The following IFT81 variants were observed in gnomAD, a reference collection of about 807,000 sequenced individuals.
IFT81 encodes intraflagellar transport 81, also known as intraflagellar transport protein 81 homolog.
Under a neutral mutation model 102.6 loss-of-function variants are expected in IFT81, and 72 were observed. That is an observed-to-expected ratio of 0.70 (90% CI 0.58 to 0.85). IFT81 has a LOEUF of 0.85. IFT81 is among the 40% of genes least tolerant of loss of function. The pLI is 0.00. For missense variants in IFT81, 723 were observed against 787.3 expected (o/e 0.92, Z 0.98); for synonymous variants, 237 against 242.7 (o/e 0.98, Z 0.22).
At chr12:110,132,472 AAAAGAAAG>A (rs1049029109) in intron 4 of IFT81, 67 bp from the exon 5 acceptor site, 24 of 666,596 alleles carry the variant, frequency 3.6e-5, no homozygotes, top group Non-Finnish European at 5.7e-5. Flanking sequence ...AAAAAAAAAA[AAAAGAAAG>A]AAAGAAAGAA....
chr12:110,183,638 C>T (rs73415320), intron 12 of IFT81, among the ~76,000 whole-genome samples: 3,170 of 152,268 alleles, frequency 0.021, 112 homozygotes, highest in African/African-American at 0.072. Flanking sequence ...GGACATTTTC[C>T]GGTTTCCATG....
intron 7 of IFT81, among the ~76,000 whole-genome samples, chr12:110,136,331 G>T (rs1894508094): frequency 6.6e-6 from 1 of 152,182 alleles, no homozygotes; most frequent in South Asian, 2.1e-4. Context: ...TTAAATGTTT[G>T]ATTTTGCTGG....
chr12:110,160,773 G>A (rs969651801), intron 10 of IFT81, among the ~76,000 whole-genome samples: 1 of 152,136 alleles, frequency 6.6e-6, no homozygotes, highest in Non-Finnish European at 1.5e-5. Context: ...TCTTCCGACT[G>A]ATTTTGTCTA....
intron 10 of IFT81, among the ~76,000 whole-genome samples, chr12:110,155,155 A>C (rs1355932475): frequency 6.6e-6 from 1 of 152,178 alleles, no homozygotes; most frequent in Non-Finnish European, 1.5e-5. Context: ...TTGAAAATTT[A>C]AAGTTATTTC....
At position 110,216,700 on chromosome 12, in the gene IFT81, A is replaced by G. The variant is rs1353466630; in HGVS notation, c.1849-1344A>G. The G allele has an allele frequency of 9.4e-6, 4 of 426,892 alleles. No homozygotes were observed. In the Admixed American group the frequency reaches 1.1e-4, roughly 11 times the overall value. The allele number at this position is 426,892 out of a possible 1,614,324, so 26.4% of individuals were successfully genotyped here. ...TAATTTTTGTATTTCATATTTTTGT[A>G]TTTTTAGTACAGATGGGATTTCACC... is the stretch of plus-strand genomic sequence containing the variant. On this transcript the variant is annotated intron_variant, in intron 18 of 18. Coordinates refer to ENST00000242591, the MANE Select transcript of IFT81 (RefSeq NM_014055.4).
chr12:110,218,102 C>A lies in IFT81; in HGVS notation c.1907C>A (p.Ala636Glu). The A allele has an allele frequency of 3.1e-6, 5 of 1,601,018 alleles. No homozygotes were observed. The highest frequency in any genetic ancestry group is 1.4e-5 in the African/African-American group (1 of 73,780). Residue 636 changes from alanine (A) to glutamate (E), a missense_variant, in exon 19 of 19, where the codon GCA (alanine) becomes GAA (glutamate). Transcript: ENST00000242591. ...RESHGPNMKQ[A>E]KMWRDLEQLM... Reference sequence around the variant, plus strand: ...AGTCATGGTCCAAATATGAAACAAGCAAAAATGTGGCGTGATTTGGAACAA... The same window carrying A: ...AGTCATGGTCCAAATATGAAACAAGAAAAAATGTGGCGTGATTTGGAACAA...
At chr12:110,149,939 G>A (rs1057445524) in intron 10 of IFT81, among the ~76,000 whole-genome samples, 6 of 152,128 alleles carry the variant, frequency 3.9e-5, no homozygotes, top group Non-Finnish European at 4.4e-5. Flanking sequence ...GGGCATGAAG[G>A]CAGGAGTGCC....
chr12:110,184,070 G>T (rs1349685172), intron 12 of IFT81, among the ~76,000 whole-genome samples: 2 of 152,152 alleles, frequency 1.3e-5, no homozygotes, highest in African/African-American at 4.8e-5. Context: ...TACAAATTAG[G>T]CTAGGCATGG....
chr12:110,216,559 C>A (rs1327940906), intron 18 of IFT81: 1 of 453,480 alleles, frequency 2.2e-6, no homozygotes, highest in Non-Finnish European at 4.4e-6. Flanking sequence ...ACTCTGTTGC[C>A]CAGGCTGGAG....
intron 11 of IFT81, among the ~76,000 whole-genome samples, chr12:110,179,773 T>TATACATACACAC (rs774113734): frequency 2.0e-5 from 1 of 50,492 alleles, no homozygotes; most frequent in Non-Finnish European, 4.1e-5. Context: ...TATATATATA[T>TATACATACACAC]ACACACACAC....
intron 11 of IFT81, among the ~76,000 whole-genome samples, chr12:110,172,728 G>A (rs1485695207): frequency 6.6e-6 from 1 of 152,126 alleles, no homozygotes; most frequent in African/African-American, 2.4e-5. Context: ...GCGTGATCTC[G>A]TGTCGCTACA....
At chr12:110,214,271 C>CTT (rs1304783946) in intron 18 of IFT81, among the ~76,000 whole-genome samples, 2 of 144,700 alleles carry the variant, frequency 1.4e-5, no homozygotes. Context: ...TCAAAATTGA[C>CTT]TTTTTTTTTT....
At chr12:110,216,949 TG>T (rs1870219006) in intron 18 of IFT81, 1 of 203,394 alleles carries the variant, frequency 4.9e-6, no homozygotes, top group Non-Finnish European at 1.0e-5. Flanking sequence ...AAACAAAATG[TG>T]GACATTTCTC....
chr12:110,174,932 G>GT (rs1896975372), intron 11 of IFT81, among the ~76,000 whole-genome samples: 1 of 152,126 alleles, frequency 6.6e-6, no homozygotes, highest in Admixed American at 6.5e-5. Context: ...AAAGATTAGA[G>GT]TTTCACACAA....
At position 110,218,490 on chromosome 12, in the gene IFT81, C is replaced by G; in HGVS notation, c.*264C>G. 3.6e-6 allele frequency: 1 copy of G among 277,918 alleles called. No individual in the cohort carries two copies. Among genetic ancestry groups the G allele is most frequent in the Non-Finnish European group, 6.6e-6 (1 of 151,166 alleles). 17.2% of individuals were successfully genotyped at this position (277,918 alleles called of 1,614,324 possible). ...TGAGACAGGAAACTAAGTTTACTAT[C>G]TGTAAATGTAAACATATGTCCATTA... On this transcript the variant is annotated 3_prime_UTR_variant, in exon 19 of 19. Coordinates refer to ENST00000242591, the MANE Select transcript of IFT81 (RefSeq NM_014055.4).
At chr12:110,187,750 T>C (rs1262603021) in intron 12 of IFT81, among the ~76,000 whole-genome samples, 1 of 152,176 alleles carries the variant, frequency 6.6e-6, no homozygotes, top group Non-Finnish European at 1.5e-5. Flanking sequence ...GGTAGCTTTT[T>C]TGTTTTGTTT....
rs936102429 is a variant in IFT81, at chr12:110,143,672, A to G, written c.945+127A>G. On this transcript the variant is annotated intron_variant, in intron 9 of 18. Transcript: ENST00000242591. ...AATTAACCTGTGCTAAGAGTTGACA[A>G]CTCTTATGAGGAATTGTCCTTTATG... 4 of 658,218 alleles carry G rather than the reference A, an allele frequency of 6.1e-6. No individual in the cohort carries two copies. The East Asian group carries it at 1.4e-4, about 22-fold the overall frequency. 40.8% of individuals were successfully genotyped at this position (658,218 alleles called of 1,614,324 possible). A position where few individuals can be genotyped will look rare whatever the true frequency, so the allele number is the denominator to read the frequency against.
chr12:110,197,991 C>T (rs989762315), intron 14 of IFT81, among the ~76,000 whole-genome samples: 1 of 152,302 alleles, frequency 6.6e-6, no homozygotes, highest in African/African-American at 2.4e-5. Flanking sequence ...GGATTACAGG[C>T]ATGAGCCACC....
intron 12 of IFT81, among the ~76,000 whole-genome samples, chr12:110,182,623 G>A (rs1897353198): frequency 6.6e-6 from 1 of 152,130 alleles, no homozygotes; most frequent in Admixed American, 6.5e-5. Context: ...TTCTGTCCCT[G>A]TTATATAGCA....
Sources: allele counts gnomAD v4.1 joint callset (sites outside exome capture counted in the v4.1 genomes callset), GRCh38; gene constraint gnomAD v4.1.1; transcripts MANE v1.5; gene names NCBI Gene and HGNC (gene_info 2026-07-23, HGNC 2026-07-21).